Variants in SERPINE2 observed in about 807,000 individuals in gnomAD.
SERPINE2 encodes serpin family E member 2.
In SERPINE2, 14 loss-of-function variants were observed where a neutral mutation model predicts 36.3. The observed-to-expected ratio is 0.39, with a 90% CI of 0.25 to 0.60. SERPINE2 has a LOEUF of 0.60. SERPINE2 is among the 20% of genes least tolerant of loss of function. The pLI is 0.57. For synonymous variants in SERPINE2, 192 were observed against 191.8 expected (o/e 1.00, Z -0.01); for missense variants, 418 against 499.6 (o/e 0.84, Z 1.56).
rs79688764 is a variant in SERPINE2 at position 223,993,662 on chromosome 2, A to C, written c.488-1662T>G. Among the ~76,000 whole-genome samples the C allele has an allele frequency of 9.4e-3, 1,435 of 152,270 alleles. 19 individuals carry two copies. Among genetic ancestry groups the C allele is most frequent in the African/African-American group, 0.033 (1,362 of 41,528 alleles). On this transcript the variant is annotated intron_variant, in intron 3 of 8. Transcript: ENST00000409304. ...TTGAAGAAGCAAGAATATCTAATTC[A>C]GGGGTGAGAGTATTAAGTCCTTTTA... is the stretch of plus-strand genomic sequence containing the variant.
chr2:223,996,330 T>C (rs910697042), intron 3 of SERPINE2, among the ~76,000 whole-genome samples: 4 of 152,174 alleles, frequency 2.6e-5, no homozygotes, highest in African/African-American at 9.7e-5. Context: ...AGCCTACAGA[T>C]GCCAGACACC....
Position 223,975,693 on chromosome 2 carries a change from T to TC in SERPINE2, c.*173dup, listed in dbSNP as rs757864596. The stretch of plus-strand genomic sequence containing the variant: ...TGTTCCAGCCATCCTGCTTGTTTTT[T>TC]CCCTCCAATACCTCCCAGAACAGAA... On this transcript the variant is annotated 3_prime_UTR_variant, in exon 9 of 9. Transcript: ENST00000409304. 2 of 513,872 alleles carry TC rather than the reference T, an allele frequency of 3.9e-6. No homozygotes were observed. Among genetic ancestry groups the TC allele is most frequent in the East Asian group, 2.8e-5 (1 of 35,462 alleles). The allele number at this position is 513,872 out of a possible 1,614,324, so 31.8% of individuals were successfully genotyped here.
intron 4 of SERPINE2, among the ~76,000 whole-genome samples, chr2:223,987,016 T>C (rs760740825): frequency 2.0e-5 from 3 of 152,188 alleles, no homozygotes; most frequent in African/African-American, 4.8e-5. Context: ...CATCCTTTTA[T>C]AGAGGACACG....
chr2:224,038,504 C>T (rs906461248), intron 1 of SERPINE2: 6 of 1,551,492 alleles, frequency 3.9e-6, no homozygotes, highest in Non-Finnish European at 4.4e-6. Context: ...AGTCACTCAT[C>T]CGCCTCGCAA....
At chr2:224,031,528 C>T in intron 1 of SERPINE2, 1 of 985,516 alleles carries the variant, frequency 1.0e-6, no homozygotes, top group South Asian at 4.7e-5. Context: ...CTCCTCCGCC[C>T]ACAGCCATTG....
chr2:223,977,853 C>A lies in SERPINE2; in HGVS notation c.1073-226G>T, dbSNP rs1396335163. On this transcript the variant is annotated intron_variant, in intron 7 of 8. Coordinates refer to ENST00000409304, the MANE Select transcript of SERPINE2 (RefSeq NM_001136528.2). ...TACTCTCTCATGTCTTCTACACAAG[C>A]ACCATCTCTGATAAACATACTTACT... 2.5e-5 allele frequency: 12 copies of A among 485,824 alleles called. No homozygotes were observed. In the East Asian group the frequency reaches 3.8e-4, roughly 16 times the overall value. The allele number at this position is 485,824 out of a possible 1,614,324, so 30.1% of individuals were successfully genotyped here. A position where few individuals can be genotyped will look rare whatever the true frequency, so the allele number is the denominator to read the frequency against.
chr2:224,000,413 AT>A, intron 2 of SERPINE2, among the ~76,000 whole-genome samples: 1 of 152,190 alleles, frequency 6.6e-6, no homozygotes, highest in African/African-American at 2.4e-5. Flanking sequence ...GTGCAGTTAA[AT>A]GGGTCATTTA....
chr2:224,032,797 T>C (rs771386666), intron 1 of SERPINE2, among the ~76,000 whole-genome samples: 3 of 152,204 alleles, frequency 2.0e-5, no homozygotes, highest in Admixed American at 6.5e-5. Flanking sequence ...TAGGACATGT[T>C]TGCCAAAACA....
At chr2:223,992,999 C>A (rs11676684) in intron 3 of SERPINE2, among the ~76,000 whole-genome samples, 1 of 151,866 alleles carries the variant, frequency 6.6e-6, no homozygotes, top group Non-Finnish European at 1.5e-5. Context: ...GTGGCATGCA[C>A]CTGTAATCCC....
chr2:223,982,461 C>A (rs1277128259), intron 6 of SERPINE2: 4 of 414,176 alleles, frequency 9.7e-6, no homozygotes, highest in East Asian at 8.8e-5. Context: ...CCACTTGTAT[C>A]CCAAAAACTA....
At position 224,001,535 on chromosome 2, in the gene SERPINE2, C is replaced by A. The variant is rs568473540; in HGVS notation, c.259+107G>T. On this transcript the variant is annotated intron_variant, in intron 2 of 8. Coordinates refer to ENST00000409304, the MANE Select transcript of SERPINE2 (RefSeq NM_001136528.2). ...CCAAGTGGCACCAGCAAATCCCCTT[C>A]TGGCTGCTCTGCTTCTTGGGGTTGT... 459 of 1,335,222 alleles carry A rather than the reference C, an allele frequency of 3.4e-4. 4 individuals are homozygous for A. In the South Asian group the frequency reaches 6.3e-3, roughly 18 times the overall value. The allele number at this position is 1,335,222 out of a possible 1,614,324, so 82.7% of individuals were successfully genotyped here. A position where few individuals can be genotyped will look rare whatever the true frequency, so the allele number is the denominator to read the frequency against.
intron 3 of SERPINE2, 110 bp from the exon 4 acceptor site, chr2:223,992,110 G>A: frequency 1.1e-6 from 1 of 930,332 alleles, no homozygotes; most frequent in Non-Finnish European, 1.7e-6. Context: ...GGATTTTTAA[G>A]GAGTGTTAAA....
intron 1 of SERPINE2, among the ~76,000 whole-genome samples, chr2:224,024,964 C>T (rs1692135345): frequency 1.3e-5 from 2 of 152,166 alleles, no homozygotes; most frequent in Admixed American, 1.3e-4. Context: ...TACTCACAGC[C>T]AATTATGGAG....
intron 7 of SERPINE2, 129 bp from the exon 8 acceptor site, chr2:223,977,756 T>C (rs569701611): frequency 1.6e-5 from 11 of 669,754 alleles, no homozygotes; most frequent in African/African-American, 8.9e-5. Flanking sequence ...GCTTGTTCCA[T>C]AGGCTGGCCA....
chr2:223,987,761 G>A (rs6753924), intron 4 of SERPINE2, among the ~76,000 whole-genome samples: 1,683 of 152,296 alleles, frequency 0.011, 29 homozygotes, highest in African/African-American at 0.038. Context: ...GAAAGCCCCT[G>A]AAGTAATCTG....
At chr2:223,982,471 A>G (rs1315873018) in intron 6 of SERPINE2, 11 of 438,500 alleles carry the variant, frequency 2.5e-5, no homozygotes, top group Non-Finnish European at 4.1e-5. Flanking sequence ...CCCAAAAACT[A>G]TTGAAATAAA....
At chr2:224,030,898 A>G (rs1348238021) in intron 1 of SERPINE2, 3 of 918,254 alleles carry the variant, frequency 3.3e-6, no homozygotes, top group African/African-American at 3.6e-5. Context: ...CTAATTTTAG[A>G]TTTCAGTCCC....
intron 3 of SERPINE2, among the ~76,000 whole-genome samples, chr2:223,997,002 AG>A (rs1366346643): frequency 6.6e-6 from 1 of 152,172 alleles, no homozygotes; most frequent in East Asian, 1.9e-4. Flanking sequence ...ACTTGAGCCC[AG>A]GAGGTTGAGG....
intron 1 of SERPINE2, among the ~76,000 whole-genome samples, chr2:224,012,403 G>A (rs896321014): frequency 6.6e-6 from 1 of 152,002 alleles, no homozygotes; most frequent in Non-Finnish European, 1.5e-5. Context: ...TATCTTAACT[G>A]GAAAAAAGTA....
Sources: gnomAD v4.1 joint callset for allele counts (sites outside exome capture counted in the v4.1 genomes callset) on GRCh38, gnomAD v4.1.1 for gene constraint, MANE v1.5 for transcripts, NCBI Gene and HGNC (gene_info 2026-07-23, HGNC 2026-07-21) for gene names.